The following CAMK4 variants were observed in gnomAD, a reference collection of about 807,000 sequenced individuals.
CAMK4 encodes calcium/calmodulin dependent protein kinase IV, also known as calcium/calmodulin-dependent protein kinase type IV.
In CAMK4, 22 loss-of-function variants were observed where a neutral mutation model predicts 44.9. The ratio of observed to expected loss-of-function variants is 0.49; its 90% confidence interval spans 0.35 to 0.70. The LOEUF is 0.70. CAMK4 is among the 30% of genes least tolerant of loss of function. CAMK4 has a pLI of 0.01. For synonymous variants in CAMK4, 218 were observed against 215.4 expected (o/e 1.01, Z -0.11); for missense variants, 498 against 586.8 (o/e 0.85, Z 1.56).
chr5:111,376,907 C>A lies in CAMK4; in HGVS notation c.351C>A (p.Val117=), dbSNP rs533477463. The change falls in exon 4 of 11, where the codon GTC becomes GTA. Residue 117 remains valine (V), a synonymous_variant. Transcript: ENST00000282356. ...IFETPTEISL[V]LELVTGGELF... ...AAACCCCTACAGAAATCAGTCTGGT[C>A]CTAGAACTCGTCACAGGAGGAGAAC... 6.2e-7 allele frequency: 1 copy of A among 1,606,896 alleles called. No individual in the cohort carries two copies. Among genetic ancestry groups the A allele is most frequent in the Admixed American group, 1.7e-5 (1 of 59,544 alleles).
chr5:111,270,497 T>C (rs958277037), intron 1 of CAMK4, among the ~76,000 whole-genome samples: 1 of 152,216 alleles, frequency 6.6e-6, no homozygotes, highest in Non-Finnish European at 1.5e-5. Flanking sequence ...CTATTAACAC[T>C]GACATCCCAA....
intron 1 of CAMK4, among the ~76,000 whole-genome samples, chr5:111,283,373 ACAGT>A (rs1342773444): frequency 1.3e-5 from 2 of 152,230 alleles, no homozygotes; most frequent in African/African-American, 4.8e-5. Flanking sequence ...AAACCTCTTC[ACAGT>A]CAGAGTTAAA....
At chr5:111,335,392 A>G (rs922649915) in intron 1 of CAMK4, among the ~76,000 whole-genome samples, 1 of 151,392 alleles carries the variant, frequency 6.6e-6, no homozygotes, top group Non-Finnish European at 1.5e-5. Context: ...CTTTGAATCC[A>G]TATGGGTATC....
At chr5:111,461,188 CAGAAAACTAAA>C (rs1754630105) in intron 7 of CAMK4, among the ~76,000 whole-genome samples, 1 of 152,172 alleles carries the variant, frequency 6.6e-6, no homozygotes, top group Admixed American at 6.5e-5. Context: ...ACTCAAGTCA[CAGAAAACTAAA>C]ATGACAAAAG....
chr5:111,348,649 T>C (rs1340998991), intron 2 of CAMK4, among the ~76,000 whole-genome samples: 1 of 151,898 alleles, frequency 6.6e-6, no homozygotes, highest in East Asian at 1.9e-4. Flanking sequence ...ACAAAAAAAA[T>C]GGTTTGTGTA....
chr5:111,224,367 CG>C, upstream of CAMK4: 1 of 1,340,054 alleles, frequency 7.5e-7, no homozygotes, highest in East Asian at 3.3e-5. This position sits in a 1 kb window ranked among gnomAD's most constrained non-coding sequence, Gnocchi z 5.7. Context: ...CGTGTGCGCG[CG>C]TGAAGGACGC....
Position 111,478,470 on chromosome 5 carries a change from C to A in CAMK4, c.791C>A (p.Pro264His). The A allele has an allele frequency of 6.4e-7, 1 of 1,551,134 alleles. No individual in the cohort carries two copies. Among genetic ancestry groups the A allele is most frequent in the Non-Finnish European group, 8.9e-7 (1 of 1,127,670 alleles). The part of the protein sequence containing the change: ...ILNCEYYFIS[P>H]WWDEVSLNAK... ...AATTGTGAATATTACTTTATCTCCC[C>A]CTGGTGGGATGAAGTATCTCTAAAT... Residue 264 changes from proline (P) to histidine (H), a missense_variant, in exon 9 of 11, where the codon CCC becomes CAC. Around this residue, in one of 3 missense-constraint regions of CAMK4, gnomAD observed 203 missense variants for 298.2 expected, o/e 0.68. Transcript: ENST00000282356.
chr5:111,334,393 G>GTT (rs1321886658), intron 1 of CAMK4, among the ~76,000 whole-genome samples: 2 of 151,586 alleles, frequency 1.3e-5, no homozygotes, highest in Non-Finnish European at 3.0e-5. Flanking sequence ...GCATTGATGA[G>GTT]TTGCAGGCTA....
rs55673374 is a variant in CAMK4 at position 111,481,435 on chromosome 5, G to A, written c.829-1350G>A. On this transcript the variant is annotated intron_variant, in intron 9 of 10. Coordinates refer to ENST00000282356, the MANE Select transcript of CAMK4 (RefSeq NM_001744.6). Reference sequence around the variant, plus strand: ...AGATTTTAAGCCTAAAGAGCCTCATGTCTCTGCCCACTACAAATCTAGCCC... The same window carrying A: ...AGATTTTAAGCCTAAAGAGCCTCATATCTCTGCCCACTACAAATCTAGCCC... 7.2e-3 allele frequency among the ~76,000 whole-genome samples: 1,092 copies of A among 152,186 alleles called. 8 individuals are homozygous for A. Among genetic ancestry groups the A allele is most frequent in the African/African-American group, 0.025 (1,024 of 41,522 alleles).
intron 1 of CAMK4, among the ~76,000 whole-genome samples, chr5:111,328,243 G>C (rs368586717): frequency 4.9e-4 from 73 of 149,802 alleles, no homozygotes; most frequent in African/African-American, 1.4e-3. Flanking sequence ...AGCCAGTTTT[G>C]CCAGCACCAT....
chr5:111,230,135 TTTCTC>T (rs1748397165), intron 1 of CAMK4, among the ~76,000 whole-genome samples: 1 of 152,178 alleles, frequency 6.6e-6, no homozygotes, highest in Non-Finnish European at 1.5e-5. Context: ...CTGTAACCCT[TTTCTC>T]TTCTCCCTAA....
At chr5:111,291,616 CAAA>C (rs1470899859) in intron 1 of CAMK4, among the ~76,000 whole-genome samples, 1 of 152,070 alleles carries the variant, frequency 6.6e-6, no homozygotes, top group Non-Finnish European at 1.5e-5. Flanking sequence ...CCTCCTGGGC[CAAA>C]GTGATCCTCT....
intron 5 of CAMK4, among the ~76,000 whole-genome samples, chr5:111,426,306 T>G (rs1307755642): frequency 6.6e-6 from 1 of 152,194 alleles, no homozygotes; most frequent in Non-Finnish European, 1.5e-5. Context: ...TAAAGTGAAT[T>G]TTTATATACC....
chr5:111,327,440 G>T (rs1371123230), intron 1 of CAMK4, among the ~76,000 whole-genome samples: 2 of 152,054 alleles, frequency 1.3e-5, no homozygotes, highest in African/African-American at 4.8e-5. Flanking sequence ...CCAAGTCTTT[G>T]CTATTGTGAA....
intron 1 of CAMK4, among the ~76,000 whole-genome samples, chr5:111,274,688 T>C (rs1344698597): frequency 6.6e-6 from 1 of 152,184 alleles, no homozygotes; most frequent in Admixed American, 6.5e-5. Context: ...TATACCAATT[T>C]ATTCCCTTCA....
At chr5:111,362,068 A>G (rs184262338) in intron 2 of CAMK4, among the ~76,000 whole-genome samples, 1 of 152,174 alleles carries the variant, frequency 6.6e-6, no homozygotes. Flanking sequence ...CATTCTAGGA[A>G]AGGCACTGAC....
chr5:111,371,141 A>G (rs1750990549), intron 2 of CAMK4, among the ~76,000 whole-genome samples: 1 of 152,040 alleles, frequency 6.6e-6, no homozygotes, highest in Non-Finnish European at 1.5e-5. Context: ...CTGCCATTCT[A>G]TTACCTCCTA....
intron 1 of CAMK4, among the ~76,000 whole-genome samples, chr5:111,305,021 A>G (rs1161474350): frequency 9.8e-5 from 6 of 61,242 alleles, no homozygotes; most frequent in African/African-American, 4.1e-4. Flanking sequence ...AAATGAAGGC[A>G]GAAATAAAGA....
intron 1 of CAMK4, among the ~76,000 whole-genome samples, chr5:111,270,778 G>C (rs905008476): frequency 6.6e-6 from 1 of 152,292 alleles, no homozygotes; most frequent in Admixed American, 6.5e-5. Context: ...TGAGTGCCAG[G>C]CACTAGAACC....
Sources: allele counts gnomAD v4.1 joint callset (sites outside exome capture counted in the v4.1 genomes callset), GRCh38; gene constraint gnomAD v4.1.1; regional missense constraint gnomAD v4.1.1; non-coding constraint Gnocchi (gnomAD v3.1); transcripts MANE v1.5; gene names NCBI Gene and HGNC (gene_info 2026-07-23, HGNC 2026-07-21).